TNS3: variants seen among roughly 807,000 people sequenced by gnomAD.
TNS3 encodes the protein tensin 3.
A neutral mutation model predicts 140.9 loss-of-function variants in TNS3; 45 were observed. That is an observed-to-expected ratio of 0.32 (90% confidence interval 0.25 to 0.41). TNS3 has a LOEUF of 0.41. Among genes scored for constraint, TNS3 ranks in the 10% least tolerant of loss-of-function variants. The probability of loss-of-function intolerance (pLI) is 1.00; values close to 1 mark genes in which losing one functional copy is unlikely to be tolerated. For synonymous variants in TNS3, 815 were observed against 788.4 expected (o/e 1.03, Z -0.56); for missense variants, 1,716 against 1,906.7 (o/e 0.90, Z 1.86).
intron 3 of TNS3, among the ~76,000 whole-genome samples, chr7:47,491,859 T>C (rs1280599851): frequency 2.0e-5 from 3 of 152,150 alleles, no homozygotes; most frequent in South Asian, 4.1e-4. Flanking sequence ...CGGGTGTATG[T>C]TGATGTGTGC....
rs1255412096 is a variant in TNS3 at position 47,415,151 on chromosome 7, G to A, written c.529C>T (p.Pro177Ser). The A allele has an allele frequency of 1.2e-6, 2 of 1,611,536 alleles. No homozygotes were observed. Among genetic ancestry groups the A allele is most frequent in the Non-Finnish European group, 1.7e-6 (2 of 1,179,154 alleles). The change falls in exon 11 of 31, where the codon CCC (proline) becomes TCC (serine). Residue 177 changes from proline to serine, a missense_variant. This residue lies in a region of TNS3 where 337 missense variants were observed against 428.9 expected (regional missense o/e 0.79). Coordinates refer to ENST00000311160, the MANE Select transcript of TNS3 (RefSeq NM_022748.12). ...AGGATGACAAAATGCAGGAACAGGG[G>A]AGAGGCATTCATTTTCACCGATCCG... ...LSGSVKMNAS[P>S]LFLHFVILHG...
intron 4 of TNS3, among the ~76,000 whole-genome samples, chr7:47,447,252 T>TTGTA (rs1795792289): frequency 2.1e-5 from 1 of 47,948 alleles, no homozygotes; most frequent in African/African-American, 5.1e-5. Flanking sequence ...CCACATATGT[T>TTGTA]TGTTTGTTTG....
At chr7:47,551,758 T>C (rs540406803) in intron 1 of TNS3, among the ~76,000 whole-genome samples, 17 of 152,284 alleles carry the variant, frequency 1.1e-4, no homozygotes, top group African/African-American at 4.1e-4. Context: ...ACTGTGCACA[T>C]GTGTGTTAGA....
intron 16 of TNS3, among the ~76,000 whole-genome samples, chr7:47,375,559 C>T (rs1385780760): frequency 6.6e-6 from 1 of 152,208 alleles, no homozygotes; most frequent in Non-Finnish European, 1.5e-5. Flanking sequence ...CTTTCCAACC[C>T]AACCCTGCTA....
intron 20 of TNS3, among the ~76,000 whole-genome samples, chr7:47,318,395 G>A (rs1156529112): frequency 2.6e-5 from 4 of 152,106 alleles, no homozygotes; most frequent in African/African-American, 9.7e-5. Flanking sequence ...CTCCTCTCTT[G>A]TTCCTTTAGC....
intron 3 of TNS3, among the ~76,000 whole-genome samples, chr7:47,487,326 C>T (rs1205830760): frequency 6.6e-6 from 1 of 151,980 alleles, no homozygotes; most frequent in Non-Finnish European, 1.5e-5. Context: ...AAGCGAGCAC[C>T]CTCAAGTGTC....
At chr7:47,534,579 AC>A (rs1410590852) in intron 1 of TNS3, among the ~76,000 whole-genome samples, 1 of 151,792 alleles carries the variant, frequency 6.6e-6, no homozygotes, top group Non-Finnish European at 1.5e-5. Context: ...ATGTTGTCAA[AC>A]CCCCCACCCC....
chr7:47,476,437 C>T (rs1433164301), intron 4 of TNS3, among the ~76,000 whole-genome samples: 2 of 152,214 alleles, frequency 1.3e-5, no homozygotes, highest in African/African-American at 4.8e-5. Flanking sequence ...CCTCTCCCAG[C>T]CTTAGGGACA....
intron 20 of TNS3, among the ~76,000 whole-genome samples, chr7:47,321,296 GT>G (rs919039657): frequency 1.3e-5 from 2 of 152,156 alleles, no homozygotes; most frequent in Non-Finnish European, 2.9e-5. Context: ...CAACCCACTG[GT>G]TTTCGGTGGT....
At chr7:47,472,862 T>C (rs980808098) in intron 4 of TNS3, among the ~76,000 whole-genome samples, 6 of 152,174 alleles carry the variant, frequency 3.9e-5, no homozygotes, top group African/African-American at 1.2e-4. Context: ...TGAGCCGTTG[T>C]TGTTCAGGAC....
At chr7:47,443,346 G>C (rs540516036) in intron 4 of TNS3, among the ~76,000 whole-genome samples, 3 of 152,130 alleles carry the variant, frequency 2.0e-5, no homozygotes. Flanking sequence ...GTGAAGTCCC[G>C]TGGTCTCCAG....
At chr7:47,334,338 G>T (rs976189284) in intron 20 of TNS3, among the ~76,000 whole-genome samples, 1 of 152,114 alleles carries the variant, frequency 6.6e-6, no homozygotes, top group Non-Finnish European at 1.5e-5. Context: ...AATATATAAA[G>T]GCATCCTCTT....
rs1321410136 is a variant in TNS3 at position 47,396,514 on chromosome 7, C to T, written c.1024+286G>A. On this transcript the variant is annotated intron_variant, in intron 16 of 30. Coordinates refer to ENST00000311160, the MANE Select transcript of TNS3 (RefSeq NM_022748.12). ...AGGGGGAACGGTCCCTGGCATTATACATACACACAAGTTCAGGCCAAGGAG... is the reference window on the plus strand; with the variant it reads ...AGGGGGAACGGTCCCTGGCATTATATATACACACAAGTTCAGGCCAAGGAG... 6 of 432,758 alleles carry T rather than the reference C, an allele frequency of 1.4e-5. No homozygotes were observed. The East Asian group carries it at 2.0e-4, about 14-fold the overall frequency. The allele number at this position is 432,758 out of a possible 1,614,324, so 26.8% of individuals were successfully genotyped here. A position where few individuals can be genotyped will look rare whatever the true frequency, so the allele number is the denominator to read the frequency against.
intron 4 of TNS3, among the ~76,000 whole-genome samples, chr7:47,443,873 A>G (rs1795590290): frequency 6.6e-6 from 1 of 152,216 alleles, no homozygotes; most frequent in African/African-American, 2.4e-5. Flanking sequence ...GTGAGCCAAG[A>G]TCGTGCCACT....
At chr7:47,530,693 T>C (rs1037869786) in intron 1 of TNS3, among the ~76,000 whole-genome samples, 5 of 150,458 alleles carry the variant, frequency 3.3e-5, no homozygotes, top group African/African-American at 1.2e-4. Context: ...GGCATGGTGG[T>C]GGTGCCTGTA....
chr7:47,564,666 A>C (rs1267428416), intron 1 of TNS3, among the ~76,000 whole-genome samples: 1 of 149,092 alleles, frequency 6.7e-6, no homozygotes, highest in Non-Finnish European at 1.5e-5. Flanking sequence ...AAAACAAAAA[A>C]AGACTGCAAC....
At chr7:47,402,480 G>A (rs939996078) in intron 13 of TNS3, among the ~76,000 whole-genome samples, 4 of 152,174 alleles carry the variant, frequency 2.6e-5, no homozygotes, top group Admixed American at 1.3e-4. Flanking sequence ...ACCTCTGTCC[G>A]AGACTGACTT....
chr7:47,469,679 A>C (rs1796866497), intron 4 of TNS3, among the ~76,000 whole-genome samples: 1 of 152,224 alleles, frequency 6.6e-6, no homozygotes, highest in African/African-American at 2.4e-5. Context: ...CTGGATAAAG[A>C]AAATGTGGTA....
intron 2 of TNS3, among the ~76,000 whole-genome samples, chr7:47,515,491 G>A (rs772320012): frequency 4.6e-5 from 7 of 151,610 alleles, no homozygotes; most frequent in Admixed American, 6.6e-5. Flanking sequence ...CATCAACATC[G>A]TCACCATCAC....
Sources: allele counts gnomAD v4.1 joint callset (sites outside exome capture counted in the v4.1 genomes callset), GRCh38; gene constraint gnomAD v4.1.1; regional missense constraint gnomAD v4.1.1; transcripts MANE v1.5; gene names NCBI Gene and HGNC (gene_info 2026-07-23, HGNC 2026-07-21).